Variants in SLC38A12 observed in about 807,000 individuals in gnomAD.
The protein encoded by SLC38A12 is solute carrier family 38 member 12, also known as putative sodium-coupled neutral amino acid transporter 12.
chr17:74,796,564 C>G, the SLC38A12 span, among the ~76,000 whole-genome samples: 1 of 152,230 alleles, frequency 6.6e-6, no homozygotes, highest in Non-Finnish European at 1.5e-5. Context: ...TTTTCTTGCC[C>G]TCCTAGTCCC....
At chr17:74,814,652 G>A in the SLC38A12 span, among the ~76,000 whole-genome samples, 8 of 152,144 alleles carry the variant, frequency 5.3e-5, no homozygotes, top group South Asian at 2.1e-4. Context: ...ACTGCCCCCC[G>A]CAGGAGGCAT....
chr17:74,836,524 A>G, the SLC38A12 span: 20 of 1,612,784 alleles, frequency 1.2e-5, no homozygotes, highest in Non-Finnish European at 1.7e-5. This position sits in a 1 kb window ranked among gnomAD's most constrained non-coding sequence, Gnocchi z 4.2. Flanking sequence ...TTCCTGGTGT[A>G]CCACTGCCGC....
chr17:74,791,139 T>TG, the SLC38A12 span: 1 of 1,032,654 alleles, frequency 9.7e-7, no homozygotes, highest in Non-Finnish European at 1.5e-6. Context: ...AGCCAGACCA[T>TG]GGGGCAGAGC....
At chr17:74,787,035 T>C in the SLC38A12 span, among the ~76,000 whole-genome samples, 1 of 152,314 alleles carries the variant, frequency 6.6e-6, no homozygotes, top group South Asian at 2.1e-4. Flanking sequence ...TTAATTAAGA[T>C]TGATTTTAAT....
the SLC38A12 span, among the ~76,000 whole-genome samples, chr17:74,794,857 T>G: frequency 1.2e-4 from 18 of 152,066 alleles, 1 homozygote; most frequent in African/African-American, 4.3e-4. Flanking sequence ...AAATAGGACT[T>G]TGGGGTCATT....
the SLC38A12 span, among the ~76,000 whole-genome samples, chr17:74,801,479 T>C: frequency 6.6e-6 from 1 of 151,194 alleles, no homozygotes; most frequent in African/African-American, 2.5e-5. Context: ...GCCTTTGAGG[T>C]GTCTTCAGCC....
At chr17:74,786,788 C>A in the SLC38A12 span, among the ~76,000 whole-genome samples, 4 of 152,126 alleles carry the variant, frequency 2.6e-5, no homozygotes, top group Non-Finnish European at 4.4e-5. Context: ...TCTTGGGGCA[C>A]TATTGGTTCA....
At chr17:74,820,210 G>A in the SLC38A12 span, among the ~76,000 whole-genome samples, 4 of 152,198 alleles carry the variant, frequency 2.6e-5, no homozygotes, top group South Asian at 8.3e-4. Context: ...GCCTGGGTTG[G>A]GCTGTGCCCT....
chr17:74,839,284 G>A, the SLC38A12 span: 1 of 1,092,136 alleles, frequency 9.2e-7, no homozygotes. Context: ...ACGGGGCAGG[G>A]AGCAGCCTCG....
At chr17:74,831,756 A>G in the SLC38A12 span, among the ~76,000 whole-genome samples, 4 of 152,106 alleles carry the variant, frequency 2.6e-5, no homozygotes, top group African/African-American at 4.8e-5. Context: ...TCTGGTCCTT[A>G]GCATGTCTGG....
the SLC38A12 span, chr17:74,795,611 G>A: frequency 1.2e-6 from 2 of 1,613,780 alleles, no homozygotes; most frequent in South Asian, 1.1e-5. Context: ...TGCGCCGAGT[G>A]GACGCCTACC....
the SLC38A12 span, among the ~76,000 whole-genome samples, chr17:74,824,696 T>C: frequency 6.6e-6 from 1 of 152,208 alleles, no homozygotes; most frequent in Non-Finnish European, 1.5e-5. Flanking sequence ...TGATTGTGTA[T>C]GCGGAGCAGA....
At chr17:74,779,837 G>A in the SLC38A12 span, among the ~76,000 whole-genome samples, 1 of 152,214 alleles carries the variant, frequency 6.6e-6, no homozygotes, top group African/African-American at 2.4e-5. Context: ...GGAGTTCCAA[G>A]GATGTTCGCT....
At chr17:74,823,526 C>T in the SLC38A12 span, among the ~76,000 whole-genome samples, 1 of 152,264 alleles carries the variant, frequency 6.6e-6, no homozygotes, top group Non-Finnish European at 1.5e-5. Flanking sequence ...TCCAGGAAAA[C>T]TCAAAGCATG....
the SLC38A12 span, among the ~76,000 whole-genome samples, chr17:74,821,013 G>A: frequency 6.6e-6 from 1 of 152,206 alleles, no homozygotes; most frequent in African/African-American, 2.4e-5. Context: ...CAGCAGTCAG[G>A]TAGCCCCGCC....
At chr17:74,825,017 C>A in the SLC38A12 span, among the ~76,000 whole-genome samples, 1 of 152,234 alleles carries the variant, frequency 6.6e-6, no homozygotes, top group Non-Finnish European at 1.5e-5. Context: ...GCTGATCCAT[C>A]ACCACCGGCA....
the SLC38A12 span, chr17:74,836,189 C>T: frequency 1.9e-6 from 3 of 1,612,642 alleles, no homozygotes; most frequent in Middle Eastern, 1.6e-4. The surrounding 1 kb of genome is among the most constrained non-coding windows in gnomAD (Gnocchi z 4.2). Flanking sequence ...GCTTCCGCGG[C>T]GACAGCCTCA....
the SLC38A12 span, among the ~76,000 whole-genome samples, chr17:74,788,483 G>T: frequency 6.6e-6 from 1 of 152,164 alleles, no homozygotes; most frequent in African/African-American, 2.4e-5. Flanking sequence ...CCCCTCCTGG[G>T]TGTGAGCACG....
chr17:74,785,017 A>G, the SLC38A12 span, among the ~76,000 whole-genome samples: 1 of 152,168 alleles, frequency 6.6e-6, no homozygotes, highest in East Asian at 1.9e-4. Flanking sequence ...AGAAGCATGA[A>G]TATCCGTGTC....
Sources: allele counts gnomAD v4.1 joint callset (sites outside exome capture counted in the v4.1 genomes callset), GRCh38; gene constraint gnomAD v4.1.1; non-coding constraint Gnocchi (gnomAD v3.1); transcripts MANE v1.5; gene names NCBI Gene and HGNC (gene_info 2026-07-23, HGNC 2026-07-21).